WDPCP: variants seen among roughly 807,000 people sequenced by gnomAD.
The protein encoded by WDPCP is WD repeat-containing and planar cell polarity effector protein fritz homolog.
A neutral mutation model predicts 93.1 loss-of-function variants in WDPCP; 71 were observed. The observed-to-expected ratio is 0.76, with a 90% confidence interval of 0.63 to 0.93. The LOEUF (loss-of-function observed/expected upper bound fraction) is 0.93, where lower values mean the gene tolerates loss of function less well. Ranked by LOEUF, WDPCP falls within the 40% of genes least tolerant of loss-of-function variation. WDPCP has a pLI of 0.00. For missense variants in WDPCP, 844 were observed against 887.4 expected, an observed-to-expected ratio of 0.95 and a Z score of 0.62; for synonymous variants, 315 against 315.0, an observed-to-expected ratio of 1.00 and a Z score of 0.00.
intron 6 of WDPCP, among the ~76,000 whole-genome samples, chr2:63,450,917 G>C (rs527281143): frequency 6.6e-6 from 1 of 152,220 alleles, no homozygotes; most frequent in East Asian, 1.9e-4. Flanking sequence ...AGCTATCAAT[G>C]TAAGAGCACG....
At chr2:63,700,416 A>C (rs1669030750) in intron 2 of WDPCP, among the ~76,000 whole-genome samples, 1 of 152,128 alleles carries the variant, frequency 6.6e-6, no homozygotes, top group African/African-American at 2.4e-5. Flanking sequence ...AGACTTTTCC[A>C]AGGAAAAATC....
At chr2:63,717,886 G>C (rs548653795) in intron 2 of WDPCP, 1 of 156,730 alleles carries the variant, frequency 6.4e-6, no homozygotes, top group Non-Finnish European at 1.4e-5. Context: ...GGTCTGATGA[G>C]GGGTTGTGAA....
At position 63,437,904 on chromosome 2, in the gene WDPCP, A is replaced by G. The variant is rs374696334; in HGVS notation, c.500-350T>C. 3,469 of 1,590,678 alleles carry G rather than the reference A, an allele frequency of 2.2e-3. 7 individuals carry two copies. The highest frequency in any genetic ancestry group is 2.5e-3 in the Non-Finnish European group (2,878 of 1,168,014). On this transcript the variant is annotated intron_variant, in intron 7 of 17. Coordinates refer to ENST00000272321, the MANE Select transcript of WDPCP (RefSeq NM_015910.7). ...AACATTCCATTTTATTTGTGCTAAG[A>G]GTTTAATCCTATGTTTACATGATAG...
intron 1 of WDPCP, 108 bp from the exon 2 acceptor site, chr2:63,493,048 T>C: frequency 2.2e-6 from 2 of 925,074 alleles, no homozygotes; most frequent in South Asian, 2.9e-5. Context: ...CAACTGTTAT[T>C]TGAAATATGG....
chr2:63,695,953 C>A (rs1368442170), intron 2 of WDPCP, among the ~76,000 whole-genome samples: 3 of 152,106 alleles, frequency 2.0e-5, no homozygotes, highest in African/African-American at 7.2e-5. Context: ...GAAACAAAGA[C>A]CCCCTGGCAC....
chr2:63,236,632 A>C (rs905721209), intron 14 of WDPCP, among the ~76,000 whole-genome samples: 1 of 152,204 alleles, frequency 6.6e-6, no homozygotes, highest in South Asian at 2.1e-4. Flanking sequence ...AAACAGATAT[A>C]CAGAATAGAG....
chr2:63,349,845 A>T (rs536588617), intron 12 of WDPCP, among the ~76,000 whole-genome samples: 3 of 152,344 alleles, frequency 2.0e-5, no homozygotes, highest in African/African-American at 7.2e-5. Context: ...GAATAAAAAA[A>T]TAGCAGGATT....
At chr2:63,138,543 C>G (rs1009284242) in intron 17 of WDPCP, among the ~76,000 whole-genome samples, 1 of 151,722 alleles carries the variant, frequency 6.6e-6, no homozygotes, top group Admixed American at 6.6e-5. Flanking sequence ...GCTCCGCTCC[C>G]CGGGGTTCAT....
At chr2:63,417,787 T>G (rs1201014616) in intron 9 of WDPCP, among the ~76,000 whole-genome samples, 2 of 148,694 alleles carry the variant, frequency 1.3e-5, no homozygotes, top group Non-Finnish European at 3.0e-5. Context: ...TATAGTAATA[T>G]TTTTAATTGA....
Position 63,819,568 on chromosome 2 carries a change from G to A in WDPCP, n.223-5861C>T, listed in dbSNP as rs570240695. ...ATACAGCTTGCTGGGCTCCACTTTC[G>A]GAGTTTTAATTCATAGACATGCAGT... On this transcript the variant is annotated intron_variant and non_coding_transcript_variant, in intron 1 of 4. Coordinates refer to the WDPCP transcript ENST00000467687. 9.2e-5 allele frequency among the ~76,000 whole-genome samples: 14 copies of A among 152,158 alleles called. No homozygotes were observed. The East Asian group carries it at 1.7e-3, about 19-fold the overall frequency.
intron 2 of WDPCP, among the ~76,000 whole-genome samples, chr2:63,803,004 T>C (rs1018070247): frequency 1.3e-5 from 2 of 152,226 alleles, no homozygotes; most frequent in Non-Finnish European, 2.9e-5. Flanking sequence ...TGAGCTCCTT[T>C]ATAGCATTTC....
At chr2:63,838,892 G>A in the WDPCP span, among the ~76,000 whole-genome samples, 2 of 152,114 alleles carry the variant, frequency 1.3e-5, no homozygotes, top group Non-Finnish European at 2.9e-5. Context: ...TGGGAAGCTC[G>A]CTTACAAAGT....
intron 14 of WDPCP, among the ~76,000 whole-genome samples, chr2:63,182,030 T>C (rs528593127): frequency 5.6e-4 from 85 of 152,166 alleles, no homozygotes; most frequent in African/African-American, 1.8e-3. Flanking sequence ...TCTGAAACTT[T>C]ACTGAACTTA....
At chr2:63,574,683 T>C (rs1004659730) in intron 1 of WDPCP, among the ~76,000 whole-genome samples, 3 of 152,154 alleles carry the variant, frequency 2.0e-5, no homozygotes, top group Non-Finnish European at 2.9e-5. Context: ...GGGGTACCAG[T>C]ATTGAACAAT....
At chr2:63,803,192 T>G (rs916745833) in intron 2 of WDPCP, among the ~76,000 whole-genome samples, 12 of 152,190 alleles carry the variant, frequency 7.9e-5, no homozygotes, top group Admixed American at 1.3e-4. Context: ...TTCAGACATT[T>G]TCACTTTGAC....
chr2:63,159,470 G>A (rs1672503909), intron 15 of WDPCP, among the ~76,000 whole-genome samples: 1 of 151,982 alleles, frequency 6.6e-6, no homozygotes, highest in African/African-American at 2.4e-5. Context: ...CAGCATTATT[G>A]TCTTTTACTA....
intron 2 of WDPCP, among the ~76,000 whole-genome samples, chr2:63,726,756 T>C (rs978190254): frequency 6.6e-6 from 1 of 152,130 alleles, no homozygotes; most frequent in African/African-American, 2.4e-5. Flanking sequence ...AGATCTTTCA[T>C]CTCCCTGGTT....
intron 1 of WDPCP, among the ~76,000 whole-genome samples, chr2:63,524,665 G>C (rs1256101243): frequency 6.6e-6 from 1 of 152,090 alleles, no homozygotes; most frequent in Non-Finnish European, 1.5e-5. Flanking sequence ...AGACAACCTA[G>C]GAAATACCAT....
chr2:63,344,218 A>T (rs957663374), intron 12 of WDPCP, among the ~76,000 whole-genome samples: 8 of 152,202 alleles, frequency 5.3e-5, no homozygotes, highest in African/African-American at 1.4e-4. Context: ...TTCCCAAACT[A>T]ATCTTGCAAA....
Sources: allele counts gnomAD v4.1 joint callset (sites outside exome capture counted in the v4.1 genomes callset), GRCh38; gene constraint gnomAD v4.1.1; transcripts MANE v1.5; gene names NCBI Gene and HGNC (gene_info 2026-07-23, HGNC 2026-07-21).